Variants in VGLL1 observed in about 807,000 individuals in gnomAD.
The protein encoded by VGLL1 is transcription cofactor vestigial-like protein 1.
Under a neutral mutation model 12.0 loss-of-function variants are expected in VGLL1, and 4 were observed. The observed-to-expected ratio is 0.33, with a 90% CI of 0.16 to 0.76. The LOEUF is 0.76. Ranked by LOEUF, VGLL1 falls within the 30% of genes least tolerant of loss-of-function variation. The probability of loss-of-function intolerance (pLI) is 0.60; values close to 1 mark genes in which losing one functional copy is unlikely to be tolerated. For synonymous variants in VGLL1, 87 were observed against 81.2 expected, an observed-to-expected ratio of 1.07 and a Z score of -0.39; for missense variants, 204 against 208.7, an observed-to-expected ratio of 0.98 and a Z score of 0.14.
At chrX:136,541,783 G>A (rs1023880079) in intron 2 of VGLL1, among the ~76,000 whole-genome samples, 5 of 112,366 alleles carry the variant, frequency 4.4e-5, no homozygotes, top group African/African-American at 1.6e-4. Context: ...AGAGACCCGT[G>A]TGGCTAGGAA....
chrX:136,532,581 CTTTCT>C (rs2075825897), intron 1 of VGLL1, among the ~76,000 whole-genome samples: 1 of 9,997 alleles, frequency 1.0e-4, no homozygotes, highest in African/African-American at 4.0e-4. Flanking sequence ...ATATTTCTTT[CTTTCT>C]TTCTTTCTTT....
chrX:136,537,537 T>C (rs1299737560), intron 2 of VGLL1, among the ~76,000 whole-genome samples: 3 of 111,715 alleles, frequency 2.7e-5, no homozygotes, highest in African/African-American at 6.5e-5. Flanking sequence ...AACTATTTAC[T>C]GTAATCATTA....
intron 2 of VGLL1, among the ~76,000 whole-genome samples, chrX:136,545,732 A>T (rs2075867921): frequency 2.7e-5 from 3 of 111,106 alleles, no homozygotes; most frequent in African/African-American, 9.9e-5. Context: ...GAGGGAAGGT[A>T]CTCTGGAATG....
chrX:136,540,190 C>T (rs757283882), intron 2 of VGLL1, among the ~76,000 whole-genome samples: 1 of 111,804 alleles, frequency 8.9e-6, no homozygotes, highest in South Asian at 3.8e-4. Context: ...AAGTCACACA[C>T]TAGCACTCTT....
chrX:136,539,498 G>A (rs1171685750), intron 2 of VGLL1, among the ~76,000 whole-genome samples: 1 of 111,452 alleles, frequency 9.0e-6, no homozygotes, highest in African/African-American at 3.3e-5. Flanking sequence ...GCAGAAGATT[G>A]CTCTCTCCTC....
intron 4 of VGLL1, among the ~76,000 whole-genome samples, chrX:136,553,095 G>A (rs2075891107): frequency 9.0e-6 from 1 of 110,669 alleles, no homozygotes; most frequent in South Asian, 3.9e-4. Flanking sequence ...GTAACATGGA[G>A]CTGAGAGGAA....
rs1203105098 is a variant in VGLL1, at chrX:136,549,021, C to T, written c.634+13C>T. 2 of 1,189,504 alleles carry T rather than the reference C, an allele frequency of 1.7e-6. No individual in the cohort carries two copies. The highest frequency in any genetic ancestry group is 3.5e-5 in the African/African-American group (2 of 56,765). On this transcript the variant is annotated intron_variant, in intron 3 of 4. Coordinates refer to ENST00000370634, the MANE Select transcript of VGLL1 (RefSeq NM_016267.4). ...GGCTCAGTTCACTGTAAGGAAATGC[C>T]TACAGATACTTGGAGGGGTGCCTCT...
intron 1 of VGLL1, among the ~76,000 whole-genome samples, chrX:136,534,611 C>T (rs933439762): frequency 8.9e-6 from 1 of 112,565 alleles, no homozygotes. Context: ...CTGCTGTGAA[C>T]ATTCAAGTAC....
At chrX:136,535,916 C>T in intron 1 of VGLL1, 80 bp from the exon 2 acceptor site, 1 of 845,681 alleles carries the variant, frequency 1.2e-6, no homozygotes, top group South Asian at 2.4e-5. Context: ...AATTGCTTGC[C>T]CCCAAGGACA....
chrX:136,533,486 C>T (rs1489236027), intron 1 of VGLL1, among the ~76,000 whole-genome samples: 1 of 111,514 alleles, frequency 9.0e-6, no homozygotes, highest in Non-Finnish European at 1.9e-5. Context: ...GTCCTACCAG[C>T]TCCTTCCCTT....
At chrX:136,545,709 C>T (rs1370326814) in intron 2 of VGLL1, among the ~76,000 whole-genome samples, 2 of 111,155 alleles carry the variant, frequency 1.8e-5, no homozygotes, top group African/African-American at 6.6e-5. Flanking sequence ...GGCCTCCATG[C>T]AAGGATAAAG....
chrX:136,540,260 T>A (rs1055037212), intron 2 of VGLL1, among the ~76,000 whole-genome samples: 2 of 111,560 alleles, frequency 1.8e-5, no homozygotes, highest in African/African-American at 6.5e-5. Context: ...AAGTCTATAA[T>A]GGGGCCCTAC....
At chrX:136,551,409 C>A (rs1221605258) in intron 4 of VGLL1, among the ~76,000 whole-genome samples, 2 of 111,386 alleles carry the variant, frequency 1.8e-5, no homozygotes, top group Admixed American at 9.5e-5. Context: ...GGCATGAGGC[C>A]AGGACTCTGA....
intron 2 of VGLL1, among the ~76,000 whole-genome samples, chrX:136,542,216 A>C (rs1341380878): frequency 9.0e-6 from 1 of 111,182 alleles, no homozygotes; most frequent in Non-Finnish European, 1.9e-5. Context: ...TTTTTTTAAA[A>C]AAAAAAAGTG....
At chrX:136,544,135 T>C (rs780952880) in intron 2 of VGLL1, among the ~76,000 whole-genome samples, 38 of 111,921 alleles carry the variant, frequency 3.4e-4, no homozygotes, top group Non-Finnish European at 6.0e-4. Context: ...TATCCACTTC[T>C]CCATGCCATT....
At chrX:136,554,313 G>C (rs1275591845) in intron 4 of VGLL1, among the ~76,000 whole-genome samples, 1 of 110,228 alleles carries the variant, frequency 9.1e-6, no homozygotes, top group Non-Finnish European at 1.9e-5. Flanking sequence ...GGAAGAATTA[G>C]GGCAGAGATG....
intron 4 of VGLL1, among the ~76,000 whole-genome samples, chrX:136,551,327 C>T (rs1393032608): frequency 5.4e-5 from 6 of 110,961 alleles, no homozygotes; most frequent in African/African-American, 2.0e-4. Context: ...TTGCTGTGTC[C>T]CAGATGTTCA....
intron 2 of VGLL1, among the ~76,000 whole-genome samples, chrX:136,537,201 G>A (rs1010042943): frequency 9.1e-6 from 1 of 110,225 alleles, no homozygotes; most frequent in Admixed American, 9.7e-5. Flanking sequence ...GAGACCCTGT[G>A]TCTACAAAAA....
chrX:136,547,798 G>C (rs1488591318), intron 2 of VGLL1, among the ~76,000 whole-genome samples: 1 of 111,924 alleles, frequency 8.9e-6, no homozygotes, highest in African/African-American at 3.3e-5. Context: ...TTAAGGAGCT[G>C]GTTGGATCCG....
Sources: gnomAD v4.1 joint callset for allele counts (sites outside exome capture counted in the v4.1 genomes callset) on GRCh38, gnomAD v4.1.1 for gene constraint, MANE v1.5 for transcripts, NCBI Gene and HGNC (gene_info 2026-07-23, HGNC 2026-07-21) for gene names.